The following COL5A2 variants were observed in gnomAD, a reference collection of about 807,000 sequenced individuals.
COL5A2 encodes collagen type V alpha 2 chain.
In COL5A2, 23 loss-of-function variants were observed where a neutral mutation model predicts 208.2. The observed-to-expected ratio is 0.11, with a 90% CI of 0.08 to 0.16. COL5A2 has a LOEUF of 0.16. COL5A2 is among the 10% of genes least tolerant of loss of function. The pLI is 1.00. For synonymous variants in COL5A2, 625 were observed against 628.5 expected (o/e 0.99, Z 0.08); for missense variants, 1,590 against 1,956.4 (o/e 0.81, Z 3.53).
At chr2:189,347,582 G>A in the COL5A2 span, among the ~76,000 whole-genome samples, 62 of 152,098 alleles carry the variant, frequency 4.1e-4, 1 homozygote, top group Non-Finnish European at 5.9e-4. Flanking sequence ...TAGGCTCATG[G>A]CATTTGCTTT....
rs745863682 is a variant in COL5A2 at position 189,086,717 on chromosome 2, G to C, written c.690+9C>G. 65 of 1,569,990 alleles carry C rather than the reference G, an allele frequency of 4.1e-5. No homozygotes were observed. The highest frequency in any genetic ancestry group is 5.6e-5 in the Non-Finnish European group (65 of 1,151,676). On this transcript the variant is annotated intron_variant, in intron 9 of 53. Transcript: ENST00000374866. The stretch of plus-strand genomic sequence containing the variant: ...CTTACAGCATGTAATTAATTATAAA[G>C]AGACTTACTTGCTGTCCTTGTAAAC...
At chr2:189,231,525 C>T in the COL5A2 span, among the ~76,000 whole-genome samples, 4 of 151,526 alleles carry the variant, frequency 2.6e-5, no homozygotes, top group Non-Finnish European at 5.9e-5. Context: ...CACAACATTG[C>T]GTTTAAGGCA....
chr2:189,229,366 T>G (rs1689453088), upstream of COL5A2, among the ~76,000 whole-genome samples: 2 of 151,398 alleles, frequency 1.3e-5, no homozygotes, highest in African/African-American at 4.8e-5. Flanking sequence ...GAAGGAAAAT[T>G]ATCCCTGTTC....
In COL5A2 at chr2:189,033,680, A is replaced by T. The variant is rs1472569369; in HGVS notation, c.*390T>A. The T allele has an allele frequency of 3.7e-6, 1 of 270,484 alleles. No homozygotes were observed. The highest frequency in any genetic ancestry group is 4.1e-5 in the South Asian group (1 of 24,566). The allele number at this position is 270,484 out of a possible 1,614,324, so 16.8% of individuals were successfully genotyped here. A position where few individuals can be genotyped will look rare whatever the true frequency, so the allele number is the denominator to read the frequency against. On this transcript the variant is annotated 3_prime_UTR_variant, in exon 54 of 54. Coordinates refer to ENST00000374866, the MANE Select transcript of COL5A2 (RefSeq NM_000393.5). ...AAATAAACATGTGTTGTGGCTCTATATACCCCACTCTTTAAGCTACCTGCC... is the reference window on the plus strand; with the variant it reads ...AAATAAACATGTGTTGTGGCTCTATTTACCCCACTCTTTAAGCTACCTGCC...
intron 49 of COL5A2, among the ~76,000 whole-genome samples, 154 bp downstream of exon 49, chr2:189,042,566 T>A (rs1183659547): frequency 1.3e-5 from 2 of 152,212 alleles, no homozygotes; most frequent in Admixed American, 6.5e-5. Flanking sequence ...TAAAATTAAT[T>A]GCTAAATAGC....
chr2:189,283,520 A>C, the COL5A2 span, among the ~76,000 whole-genome samples: 6 of 152,116 alleles, frequency 3.9e-5, no homozygotes, highest in South Asian at 8.3e-4. Flanking sequence ...AAAGATCATC[A>C]AAAACAGGGA....
At chr2:189,068,144 A>C in intron 20 of COL5A2, 31 bp from the exon 21 acceptor site, 1 of 1,604,836 alleles carries the variant, frequency 6.2e-7, no homozygotes, top group Non-Finnish European at 8.5e-7. Context: ...TGTGGTAAGT[A>C]GAGACACAGG....
At chr2:189,290,905 C>G in the COL5A2 span, among the ~76,000 whole-genome samples, 6 of 151,958 alleles carry the variant, frequency 3.9e-5, no homozygotes, top group African/African-American at 1.4e-4. Flanking sequence ...AGAAGGCTAT[C>G]AGAAATTTAA....
intron 1 of COL5A2, among the ~76,000 whole-genome samples, chr2:189,188,010 C>T (rs1688876523): frequency 6.6e-6 from 1 of 151,028 alleles, no homozygotes; most frequent in Admixed American, 6.6e-5. Flanking sequence ...AAGACCAAAA[C>T]CCCAGGCTAA....
At chr2:189,064,378 A>G (rs1279681496) in intron 25 of COL5A2, among the ~76,000 whole-genome samples, 179 bp downstream of exon 25, 1 of 152,206 alleles carries the variant, frequency 6.6e-6, no homozygotes, top group East Asian at 1.9e-4. Flanking sequence ...TTTTCTATAT[A>G]TGATAAAAAT....
chr2:189,371,753 T>C, the COL5A2 span, among the ~76,000 whole-genome samples: 4 of 152,242 alleles, frequency 2.6e-5, no homozygotes, highest in Non-Finnish European at 5.9e-5. Context: ...AAGTGACTTA[T>C]AGTTAGAACT....
the COL5A2 span, among the ~76,000 whole-genome samples, chr2:189,423,668 G>T: frequency 6.6e-6 from 1 of 151,954 alleles, no homozygotes; most frequent in Non-Finnish European, 1.5e-5. Flanking sequence ...GAACTATAAA[G>T]AAAAGGAAAT....
intron 1 of COL5A2, among the ~76,000 whole-genome samples, chr2:189,212,977 C>T (rs1208925944): frequency 2.0e-5 from 3 of 151,848 alleles, no homozygotes; most frequent in Non-Finnish European, 2.9e-5. Context: ...TAACCTCTGC[C>T]TCCTGGGCTC....
chr2:189,079,110 A>T lies in COL5A2; in HGVS notation c.961-3T>A, dbSNP rs1686477545. On this transcript the variant is annotated splice_region_variant and splice_polypyrimidine_tract_variant and intron_variant, in intron 14 of 53. Transcript: ENST00000374866. ...GGACCAGTGGGGCCAGCTTCACCCT[A>T]AAAAAAAATGAGAATACATTACAGT... 6.7e-7 allele frequency: 1 copy of T among 1,500,154 alleles called. No homozygotes were observed. The highest frequency in any genetic ancestry group is 9.2e-7 in the Non-Finnish European group (1 of 1,089,600). The allele number at this position is 1,500,154 out of a possible 1,614,324, so 92.9% of individuals were successfully genotyped here.
chr2:189,089,508 A>G (rs1686736953), intron 7 of COL5A2, among the ~76,000 whole-genome samples: 1 of 152,198 alleles, frequency 6.6e-6, no homozygotes, highest in Non-Finnish European at 1.5e-5. Flanking sequence ...ACTTTTGTAA[A>G]GCAAAAATCA....
the COL5A2 span, among the ~76,000 whole-genome samples, chr2:189,369,081 T>C: frequency 6.6e-6 from 1 of 152,140 alleles, no homozygotes; most frequent in African/African-American, 2.4e-5. Context: ...AGACAACACA[T>C]TAAATTCAAA....
At chr2:189,125,729 G>A (rs6434325) in intron 1 of COL5A2, among the ~76,000 whole-genome samples, 116,958 of 152,008 alleles carry the variant, frequency 0.77, 48,397 homozygotes, top group South Asian at 0.91. Context: ...TATGTTACAG[G>A]TAAGGTTTCC....
chr2:189,254,876 AATAT>A, the COL5A2 span, among the ~76,000 whole-genome samples: 3 of 152,308 alleles, frequency 2.0e-5, no homozygotes, highest in African/African-American at 7.2e-5. Context: ...TGAAAGCATC[AATAT>A]ACACCTCCTT....
the COL5A2 span, among the ~76,000 whole-genome samples, chr2:189,248,842 G>T: frequency 6.6e-6 from 1 of 151,904 alleles, no homozygotes; most frequent in South Asian, 2.1e-4. Context: ...TTTTGCATAT[G>T]TTCATTTCAT....
Sources: allele counts gnomAD v4.1 joint callset (sites outside exome capture counted in the v4.1 genomes callset), GRCh38; gene constraint gnomAD v4.1.1; transcripts MANE v1.5; gene names NCBI Gene and HGNC (gene_info 2026-07-23, HGNC 2026-07-21).